DGKH: variants seen among roughly 807,000 people sequenced by gnomAD.
DGKH encodes DAG kinase eta.
In DGKH, 90 loss-of-function variants were observed where a neutral mutation model predicts 159.3. The ratio of observed to expected loss-of-function variants is 0.57; its 90% CI spans 0.48 to 0.67. The LOEUF (loss-of-function observed/expected upper bound fraction) is 0.67, where lower values mean the gene tolerates loss of function less well. DGKH is among the 30% of genes least tolerant of loss of function. The pLI, the probability that DGKH is intolerant of heterozygous loss-of-function variation, is 0.00. For missense variants in DGKH, 1,181 were observed against 1,506.1 expected, an observed-to-expected ratio of 0.78 and a Z score of 3.57; for synonymous variants, 536 against 553.8, an observed-to-expected ratio of 0.97 and a Z score of 0.45.
At chr13:42,040,686 C>T (rs1398651565) in intron 1 of DGKH, among the ~76,000 whole-genome samples, 16 of 148,618 alleles carry the variant, frequency 1.1e-4, no homozygotes, top group African/African-American at 4.0e-4. Flanking sequence ...GGGACCGGCG[C>T]GGGGGCGGGA....
chr13:42,161,221 C>A (rs984721986), intron 7 of DGKH, among the ~76,000 whole-genome samples: 1 of 152,186 alleles, frequency 6.6e-6, no homozygotes, highest in African/African-American at 2.4e-5. Flanking sequence ...TTTAAATCAT[C>A]ATTCCACCTC....
At chr13:42,216,994 A>G (rs1957815609) in intron 26 of DGKH, among the ~76,000 whole-genome samples, 1 of 152,204 alleles carries the variant, frequency 6.6e-6, no homozygotes, top group Non-Finnish European at 1.5e-5. Context: ...TTATGTTAAT[A>G]TGGATGGACT....
At chr13:42,101,462 C>T (rs1266748355) in intron 1 of DGKH, among the ~76,000 whole-genome samples, 2 of 152,228 alleles carry the variant, frequency 1.3e-5, no homozygotes, top group Non-Finnish European at 2.9e-5. Context: ...AACTCAGTTT[C>T]TCAGTCTTAC....
chr13:42,106,760 G>A (rs1430344861), intron 1 of DGKH, among the ~76,000 whole-genome samples: 1 of 152,106 alleles, frequency 6.6e-6, no homozygotes, highest in African/African-American at 2.4e-5. Flanking sequence ...ATTGAAAAAA[G>A]AGGCTGGGCG....
At chr13:42,161,900 A>G (rs1293784423) in intron 7 of DGKH, among the ~76,000 whole-genome samples, 3 of 152,216 alleles carry the variant, frequency 2.0e-5, no homozygotes. Flanking sequence ...TTAAAAAAAA[A>G]TCAGTAGTTT....
chr13:42,189,520 A>G (rs1045014512), intron 15 of DGKH, among the ~76,000 whole-genome samples: 2 of 152,244 alleles, frequency 1.3e-5, no homozygotes, highest in African/African-American at 2.4e-5. Flanking sequence ...GAGGAATAAA[A>G]TAAAATAGCA....
chr13:42,250,409 C>T (rs575654882), intron 29 of DGKH, among the ~76,000 whole-genome samples: 2 of 152,094 alleles, frequency 1.3e-5, no homozygotes, highest in Non-Finnish European at 2.9e-5. Context: ...TCACCTCGAA[C>T]CTTTATCATT....
rs1418402610 is a variant in DGKH, at chr13:42,127,460, T to C, written c.193-3T>C. 2.1e-5 allele frequency: 33 copies of C among 1,609,162 alleles called. No homozygotes were observed. Among genetic ancestry groups the C allele is most frequent in the Non-Finnish European group, 2.7e-5 (32 of 1,175,784 alleles). ...GTGTCATTGTGCTTCTGCTTCTCTC[T>C]AGACCAGTATTAAAGAGGGACAGCT... On this transcript the variant is annotated splice_polypyrimidine_tract_variant and splice_region_variant and intron_variant, in intron 1 of 29. Transcript: ENST00000337343.
At position 42,190,441 on chromosome 13, in the gene DGKH, A is replaced by G. The variant is rs192755914; in HGVS notation, c.1951A>G (p.Asn651Asp). ...DPTVHPCEPANQSSDYDSTET... is the reference protein window; with the variant it reads ...DPTVHPCEPADQSSDYDSTET... ...GACAGTTCACCCCTGTGAACCAGCT[A>G]ATCAGTCCTCTGATTATGACAGCAC... The change falls in exon 16 of 30, where the codon AAT becomes GAT. Residue 651 changes from asparagine to aspartate, a missense_variant. This residue lies in a region of DGKH where 257 missense variants were observed against 281.5 expected (regional missense o/e 0.91). Coordinates refer to ENST00000337343, the MANE Select transcript of DGKH (RefSeq NM_178009.5). The G allele has an allele frequency of 6.2e-7, 1 of 1,611,166 alleles. No homozygotes were observed. Among genetic ancestry groups the G allele is most frequent in the Non-Finnish European group, 8.5e-7 (1 of 1,178,920 alleles).
chr13:42,095,369 G>A lies in DGKH; in HGVS notation c.193-32094G>A, dbSNP rs540967140. Among the ~76,000 whole-genome samples the A allele has an allele frequency of 5.9e-5, 9 of 151,766 alleles. No individual in the cohort carries two copies. In the South Asian group the frequency reaches 1.9e-3, roughly 32 times the overall value. ...GTAGAGATGGGATTTCACCATGTTG[G>A]CCAGGCTGGTCTTGAACACCTGAAC... On this transcript the variant is annotated intron_variant, in intron 1 of 29. Coordinates refer to ENST00000337343, the MANE Select transcript of DGKH (RefSeq NM_178009.5).
chr13:42,108,715 A>G (rs1041385000), intron 1 of DGKH, among the ~76,000 whole-genome samples: 2 of 152,218 alleles, frequency 1.3e-5, no homozygotes, highest in African/African-American at 4.8e-5. Context: ...TTATGTATAT[A>G]TTTAGAGGAG....
chr13:42,168,620 A>G (rs1956366726), intron 10 of DGKH, 59 bp from the exon 11 acceptor site: 1 of 1,613,542 alleles, frequency 6.2e-7, no homozygotes, highest in African/African-American at 1.3e-5. Flanking sequence ...AGGTGCAGAA[A>G]TGCAGTAGTC....
chr13:42,191,810 G>T (rs1180008960), intron 16 of DGKH, among the ~76,000 whole-genome samples: 2 of 152,094 alleles, frequency 1.3e-5, no homozygotes, highest in Non-Finnish European at 2.9e-5. Flanking sequence ...ATAAGTAAAA[G>T]AAAGGGTAGT....
intron 1 of DGKH, among the ~76,000 whole-genome samples, chr13:42,099,211 G>A (rs942613494): frequency 1.3e-5 from 2 of 152,060 alleles, no homozygotes; most frequent in African/African-American, 2.4e-5. Context: ...TCCTGCTTGT[G>A]TTTCTTTGCC....
intron 1 of DGKH, chr13:42,070,647 C>T (rs946239924): frequency 1.6e-4 from 262 of 1,611,486 alleles, no homozygotes; most frequent in Non-Finnish European, 2.1e-4. Flanking sequence ...GATCTCTGTG[C>T]AGTACATTTG....
chr13:42,095,380 C>T (rs533030354), intron 1 of DGKH, among the ~76,000 whole-genome samples: 1 of 152,098 alleles, frequency 6.6e-6, no homozygotes, highest in South Asian at 2.1e-4. Flanking sequence ...CCAGGCTGGT[C>T]TTGAACACCT....
Position 42,206,067 on chromosome 13 carries a change from G to C in DGKH, c.2522G>C (p.Ser841Thr). The C allele has an allele frequency of 7.0e-7, 1 of 1,423,784 alleles. No individual in the cohort carries two copies. The highest frequency in any genetic ancestry group is 1.7e-5 in the South Asian group (1 of 57,764). The allele number at this position is 1,423,784 out of a possible 1,614,324, so 88.2% of individuals were successfully genotyped here. Residue 841 changes from serine (S) to threonine (T), a missense_variant, in exon 21 of 30, where the codon AGC becomes ACC. Ser to Thr is a moderately conservative substitution (Grantham distance 58, BLOSUM62 1). This residue lies in a region of DGKH where 335 missense variants were observed against 495.2 expected (regional missense o/e 0.68). Coordinates refer to ENST00000337343, the MANE Select transcript of DGKH (RefSeq NM_178009.5). ...ECDGQYIPLP[S>T]LQGIAVLNIP... ...GATGGGCAGTATATTCCTCTTCCCA[G>C]CTTGCAAGGCATAGCCGTGTTGAAC...
chr13:42,221,201 C>T, intron 28 of DGKH, 63 bp from the exon 29 acceptor site: 2 of 1,588,840 alleles, frequency 1.3e-6, no homozygotes, highest in African/African-American at 1.3e-5. Flanking sequence ...CTTTGGCCAA[C>T]CTTTGCTTTG....
At chr13:42,195,820 C>T (rs1305995151) in intron 17 of DGKH, 1 of 152,162 alleles carries the variant, frequency 6.6e-6, no homozygotes, top group East Asian at 1.9e-4. Flanking sequence ...AATTGGACTT[C>T]ACCGAAATGA....
Sources: gnomAD v4.1 joint callset for allele counts (sites outside exome capture counted in the v4.1 genomes callset) on GRCh38, gnomAD v4.1.1 for gene constraint, gnomAD v4.1.1 regional missense constraint, MANE v1.5 for transcripts, NCBI Gene and HGNC (gene_info 2026-07-23, HGNC 2026-07-21) for gene names.